The following CSMD1 variants were observed in gnomAD, a reference collection of about 807,000 sequenced individuals.
CSMD1 encodes the protein CUB and sushi domain-containing protein 1.
CSMD1 carries 213 observed loss-of-function variants against 417.5 expected under a neutral mutation model. The observed-to-expected ratio is 0.51, with a 90% CI of 0.46 to 0.57. CSMD1 has a LOEUF of 0.57. Among genes scored for constraint, CSMD1 ranks in the 20% least tolerant of loss-of-function variants. The probability of loss-of-function intolerance (pLI) is 0.00; values close to 1 mark genes in which losing one functional copy is unlikely to be tolerated. For missense variants in CSMD1, 6,923 were observed against 4,529.7 expected (o/e 1.53, Z -15.17); for synonymous variants, 2,862 against 1,736.8 (o/e 1.65, Z -16.11).
At position 4,874,459 on chromosome 8, in the gene CSMD1, G is replaced by C. The variant is rs549499969; in HGVS notation, c.85+119873C>G. Among the ~76,000 whole-genome samples the C allele has an allele frequency of 2.0e-3, 281 of 140,182 alleles. 1 individual carries two copies. The highest frequency in any genetic ancestry group is 7.0e-3 in the African/African-American group (265 of 37,640). 92.0% of individuals were successfully genotyped at this position (140,182 alleles called of 152,430 possible). On this transcript the variant is annotated intron_variant, in intron 1 of 69. Transcript: ENST00000635120. ...GGCTGGCATGCAGTGTTCCATTCTC[G>C]ACTCACTGCAATCTCTGCCTCCCAG...
At chr8:4,711,617 G>C (rs1356537437) in intron 1 of CSMD1, among the ~76,000 whole-genome samples, 5 of 151,928 alleles carry the variant, frequency 3.3e-5, no homozygotes, top group African/African-American at 9.7e-5. Flanking sequence ...GTCTGTAAGA[G>C]AATTATTTTT....
At position 3,028,784 on chromosome 8, in the gene CSMD1, T is replaced by C. The variant is rs548505945; in HGVS notation, c.7855+535A>G. The stretch of plus-strand genomic sequence containing the variant: ...TGTGAACAATCAAGTAAAGATTGTA[T>C]ACTAGACACATCTGATTCAGAGTGC... On this transcript the variant is annotated intron_variant, in intron 51 of 69. Coordinates refer to ENST00000635120, the MANE Select transcript of CSMD1 (RefSeq NM_033225.6). 1.0e-3 allele frequency among the ~76,000 whole-genome samples: 158 copies of C among 152,366 alleles called. 1 individual carries two copies. The highest frequency in any genetic ancestry group is 3.1e-3 in the African/African-American group (128 of 41,590).
chr8:4,081,708 G>T (rs549567325), intron 3 of CSMD1, among the ~76,000 whole-genome samples: 1 of 152,124 alleles, frequency 6.6e-6, no homozygotes, highest in African/African-American at 2.4e-5. Context: ...ATTCTAAAAA[G>T]TATTTTCTCT....
chr8:4,056,529 C>T (rs1798700447), intron 3 of CSMD1, among the ~76,000 whole-genome samples: 1 of 147,186 alleles, frequency 6.8e-6, no homozygotes, highest in African/African-American at 2.7e-5. Flanking sequence ...CATTTAATTT[C>T]AATTTTATTA....
intron 23 of CSMD1, among the ~76,000 whole-genome samples, chr8:3,330,378 A>G (rs1045652975): frequency 6.6e-6 from 1 of 152,242 alleles, no homozygotes; most frequent in Non-Finnish European, 1.5e-5. Context: ...GGATAAAGAA[A>G]GTATGGTACA....
At chr8:3,294,626 G>A (rs149498647) in intron 25 of CSMD1, among the ~76,000 whole-genome samples, 211 of 152,316 alleles carry the variant, frequency 1.4e-3, no homozygotes, top group African/African-American at 4.4e-3. Context: ...AGTCATGCAC[G>A]GGATATAATC....
chr8:3,335,582 CA>C (rs1563284058), intron 23 of CSMD1, among the ~76,000 whole-genome samples: 1 of 152,166 alleles, frequency 6.6e-6, no homozygotes, highest in African/African-American at 2.4e-5. Flanking sequence ...GAGGCTGAGT[CA>C]GGAGAATCGC....
At chr8:4,386,863 C>T (rs147286492) in intron 3 of CSMD1, among the ~76,000 whole-genome samples, 210 of 152,248 alleles carry the variant, frequency 1.4e-3, no homozygotes, top group African/African-American at 4.8e-3. Flanking sequence ...ATGTTGAATC[C>T]CTCGTGGATG....
intron 3 of CSMD1, among the ~76,000 whole-genome samples, chr8:4,339,647 A>C (rs1800364530): frequency 6.6e-6 from 1 of 152,162 alleles, no homozygotes. Context: ...AACATTCATC[A>C]GATGATTCAA....
intron 1 of CSMD1, among the ~76,000 whole-genome samples, chr8:4,752,669 T>C (rs1043409419): frequency 2.6e-5 from 4 of 151,942 alleles, no homozygotes; most frequent in African/African-American, 9.7e-5. Context: ...GCAGATAAAA[T>C]CTGATGGTGA....
At chr8:4,554,410 A>G (rs956991529) in intron 2 of CSMD1, among the ~76,000 whole-genome samples, 7 of 152,170 alleles carry the variant, frequency 4.6e-5, no homozygotes, top group Admixed American at 4.6e-4. Context: ...GTGCTACGAT[A>G]ACAGGCGTGA....
intron 5 of CSMD1, among the ~76,000 whole-genome samples, chr8:3,956,015 G>A (rs931884165): frequency 1.3e-5 from 2 of 152,132 alleles, no homozygotes; most frequent in African/African-American, 2.4e-5. Context: ...GGATGGTCTC[G>A]AACTCCTGAC....
chr8:4,314,015 A>AAAT (rs555919279), intron 3 of CSMD1, among the ~76,000 whole-genome samples: 3,721 of 150,212 alleles, frequency 0.025, 143 homozygotes, highest in African/African-American at 0.08. Flanking sequence ...ATCCGTCTCA[A>AAAT]AATAATAATA....
At chr8:3,349,743 ACTT>A (rs1808267188) in intron 21 of CSMD1, among the ~76,000 whole-genome samples, 2 of 146,742 alleles carry the variant, frequency 1.4e-5, no homozygotes, top group African/African-American at 5.0e-5. Flanking sequence ...ATATATAAAT[ACTT>A]TATATAGTTA....
intron 3 of CSMD1, among the ~76,000 whole-genome samples, chr8:4,173,726 T>C (rs1273548983): frequency 6.6e-6 from 1 of 151,916 alleles, no homozygotes; most frequent in African/African-American, 2.4e-5. Flanking sequence ...AATGAGAAAA[T>C]TTTTTGTCAT....
intron 2 of CSMD1, among the ~76,000 whole-genome samples, chr8:4,570,776 C>A (rs775866104): frequency 2.0e-5 from 3 of 152,050 alleles, no homozygotes; most frequent in Non-Finnish European, 2.9e-5. Flanking sequence ...CTGTCCTGGG[C>A]TTTTATTGTT....
chr8:4,959,022 G>C (rs965239605), intron 1 of CSMD1, among the ~76,000 whole-genome samples: 1 of 152,116 alleles, frequency 6.6e-6, no homozygotes, highest in Non-Finnish European at 1.5e-5. Flanking sequence ...CTTTAACTGA[G>C]ATTATCAAGC....
intron 5 of CSMD1, among the ~76,000 whole-genome samples, chr8:3,756,798 A>T (rs565055915): frequency 0.018 from 2,668 of 149,320 alleles, 27 homozygotes; most frequent in Non-Finnish European, 0.028. Context: ...ACCAGGTGGA[A>T]TTTTTTTTTT....
chr8:4,905,541 C>CAG (rs1438842893), intron 1 of CSMD1, among the ~76,000 whole-genome samples: 1 of 151,754 alleles, frequency 6.6e-6, no homozygotes, highest in Non-Finnish European at 1.5e-5. Flanking sequence ...AGAAATCGGT[C>CAG]AGACACAGTG....
Sources: gnomAD v4.1 joint callset for allele counts (sites outside exome capture counted in the v4.1 genomes callset) on GRCh38, gnomAD v4.1.1 for gene constraint, MANE v1.5 for transcripts, NCBI Gene and HGNC (gene_info 2026-07-23, HGNC 2026-07-21) for gene names.